The following UBXN2A variants were observed in gnomAD, a reference collection of about 807,000 sequenced individuals.
UBXN2A encodes UBX domain protein 2A, also known as UBX domain-containing protein 2A.
A neutral mutation model predicts 28.4 loss-of-function variants in UBXN2A; 28 were observed. The ratio of observed to expected loss-of-function variants is 0.99; its 90% CI spans 0.73 to 1.35. The LOEUF (loss-of-function observed/expected upper bound fraction) is 1.35, where lower values mean the gene tolerates loss of function less well. UBXN2A is among the 40% of genes most tolerant of loss of function. The pLI, the probability that UBXN2A is intolerant of heterozygous loss-of-function variation, is 0.00. For synonymous variants in UBXN2A, 97 were observed against 103.6 expected (o/e 0.94, Z 0.39); for missense variants, 253 against 297.9 (o/e 0.85, Z 1.11).
intron 6 of UBXN2A, among the ~76,000 whole-genome samples, chr2:23,988,041 T>TGAA (rs1708201144): frequency 6.6e-6 from 1 of 150,870 alleles, no homozygotes; most frequent in Non-Finnish European, 1.5e-5. Flanking sequence ...GAGAATCACT[T>TGAA]GAACCTGGGA....
chr2:23,994,500 A>T (rs1468313978), intron 6 of UBXN2A, among the ~76,000 whole-genome samples: 2 of 151,812 alleles, frequency 1.3e-5, no homozygotes, highest in African/African-American at 4.8e-5. Context: ...TTTCCTTCTG[A>T]TTCAGTCTGC....
At chr2:23,975,177 T>TG (rs1707602781) in intron 3 of UBXN2A, among the ~76,000 whole-genome samples, 1 of 152,166 alleles carries the variant, frequency 6.6e-6, no homozygotes, top group Non-Finnish European at 1.5e-5. Flanking sequence ...TATACAGTGA[T>TG]GCATGAGTAA....
At chr2:23,961,538 C>CA (rs1245119959) in intron 2 of UBXN2A, among the ~76,000 whole-genome samples, 1 of 88,580 alleles carries the variant, frequency 1.1e-5, no homozygotes, top group African/African-American at 3.6e-5. Flanking sequence ...AAGAAAACTG[C>CA]CTTTTTTTTT....
chr2:23,945,738 G>T (rs1706036744), intron 1 of UBXN2A, among the ~76,000 whole-genome samples: 1 of 151,674 alleles, frequency 6.6e-6, no homozygotes, highest in African/African-American at 2.4e-5. Context: ...AATTCCTTTT[G>T]ACCATGAAAT....
chr2:23,979,008 G>C (rs995405356), intron 4 of UBXN2A, among the ~76,000 whole-genome samples: 1 of 151,506 alleles, frequency 6.6e-6, no homozygotes. Flanking sequence ...ATGAATCTAA[G>C]TATTATACAT....
intron 6 of UBXN2A, among the ~76,000 whole-genome samples, chr2:23,998,221 A>C (rs1181814699): frequency 6.6e-6 from 1 of 152,198 alleles, no homozygotes; most frequent in African/African-American, 2.4e-5. Flanking sequence ...TCATTGATAC[A>C]TGAGCTTTTT....
exon 1 of UBXN2A, chr2:23,927,584 A>AG (rs1363514091): frequency 1.3e-5 from 2 of 151,170 alleles, no homozygotes; most frequent in African/African-American, 4.8e-5. Flanking sequence ...TGTGATAAAA[A>AG]AAAAATTCAT....
At position 24,004,107 on chromosome 2, in the gene UBXN2A, G is replaced by A. The variant is rs1239222308; in HGVS notation, c.*4240G>A. ...CTAACTGTGAAACGTTCATTAATGC[G>A]AATAATATCCTCAAAGATTTTCTAC... On this transcript the variant is annotated 3_prime_UTR_variant, in exon 7 of 7. Coordinates refer to ENST00000309033, the MANE Select transcript of UBXN2A (RefSeq NM_181713.4). The A allele has an allele frequency of 1.3e-5, 2 of 152,112 alleles. No individual in the cohort carries two copies. The highest frequency in any genetic ancestry group is 4.8e-5 in the African/African-American group (2 of 41,428). The allele number at this position is 152,112 out of a possible 1,614,324, so 9.4% of individuals were successfully genotyped here.
At chr2:23,937,376 C>G (rs1474895153), upstream of UBXN2A, among the ~76,000 whole-genome samples, 1 of 152,092 alleles carries the variant, frequency 6.6e-6, no homozygotes. Context: ...GAAACTCCAT[C>G]TCTACAAAAA....
chr2:23,971,705 G>A (rs1707430107), intron 3 of UBXN2A, among the ~76,000 whole-genome samples: 1 of 152,032 alleles, frequency 6.6e-6, no homozygotes, highest in South Asian at 2.1e-4. Context: ...GCCCAGGCTG[G>A]TCTCAAATTC....
intron 6 of UBXN2A, among the ~76,000 whole-genome samples, chr2:23,998,727 A>C (rs1482012778): frequency 6.6e-6 from 1 of 152,180 alleles, no homozygotes; most frequent in African/African-American, 2.4e-5. Flanking sequence ...TCTCAAAAAA[A>C]AGAAAAGAAT....
intron 1 of UBXN2A, among the ~76,000 whole-genome samples, chr2:23,956,880 AC>A (rs1026633394): frequency 6.6e-5 from 10 of 152,148 alleles, no homozygotes; most frequent in Non-Finnish European, 2.9e-5. Flanking sequence ...TTTGGACTAC[AC>A]CTGTCACTTG....
In UBXN2A at chr2:23,955,219, T is replaced by C. The variant is rs551181414; in HGVS notation, c.-14-3082T>C. On this transcript the variant is annotated intron_variant, in intron 1 of 6. Transcript: ENST00000309033. The stretch of plus-strand genomic sequence containing the variant: ...GTGCTGGGATTACAGGCGTGAGCCA[T>C]CGCACCCGGCTGCTTGCCTACCATT... Among the ~76,000 whole-genome samples, 68 of 152,118 alleles carry C rather than the reference T, an allele frequency of 4.5e-4. 2 individuals carry two copies. In the South Asian group the frequency reaches 0.013, roughly 29 times the overall value.
exon 1 of UBXN2A, chr2:23,927,579 T>TA (rs143565872): frequency 0.16 from 19,955 of 126,414 alleles, 1,576 homozygotes; most frequent in Middle Eastern, 0.27. Flanking sequence ...ACAGCTGTGA[T>TA]AAAAAAAAAA....
At chr2:23,971,146 A>T in intron 2 of UBXN2A, 130 bp from the exon 3 acceptor site, 1 of 1,024,820 alleles carries the variant, frequency 9.8e-7, no homozygotes, top group Non-Finnish European at 1.3e-6. Flanking sequence ...AGGTTATATT[A>T]ACTTAGGAGA....
intron 1 of UBXN2A, among the ~76,000 whole-genome samples, chr2:23,931,653 T>C (rs1212202409): frequency 6.6e-6 from 1 of 152,114 alleles, no homozygotes; most frequent in East Asian, 1.9e-4. Flanking sequence ...AAGCAAGGGC[T>C]CCAAAGACAG....
chr2:23,950,034 C>T (rs1706288110), intron 1 of UBXN2A, among the ~76,000 whole-genome samples: 2 of 112,996 alleles, frequency 1.8e-5, no homozygotes, highest in East Asian at 6.2e-4. Context: ...CCCCAAGGAT[C>T]GCTACTCTTT....
At chr2:23,965,244 A>G (rs941373048) in intron 2 of UBXN2A, among the ~76,000 whole-genome samples, 10 of 152,210 alleles carry the variant, frequency 6.6e-5, no homozygotes, top group African/African-American at 2.4e-4. Context: ...TCGGACTTCC[A>G]GTACAACACT....
chr2:23,979,822 C>G (rs894741589), intron 4 of UBXN2A, among the ~76,000 whole-genome samples: 2 of 151,974 alleles, frequency 1.3e-5, no homozygotes, highest in Non-Finnish European at 2.9e-5. Flanking sequence ...CCTCCTGCCT[C>G]GATCTGCCAA....
Sources: gnomAD v4.1 joint callset for allele counts (sites outside exome capture counted in the v4.1 genomes callset) on GRCh38, gnomAD v4.1.1 for gene constraint, MANE v1.5 for transcripts, NCBI Gene and HGNC (gene_info 2026-07-23, HGNC 2026-07-21) for gene names.